TENM2: variants seen among roughly 807,000 people sequenced by gnomAD.
TENM2 encodes the protein teneurin-2.
TENM2 carries 52 observed loss-of-function variants against 245.2 expected under a neutral mutation model. The ratio of observed to expected loss-of-function variants is 0.21; its 90% CI spans 0.17 to 0.27. The LOEUF is 0.27. TENM2 is among the 10% of genes least tolerant of loss of function. The pLI is 1.00. For missense variants in TENM2, 3,046 were observed against 3,666.8 expected (o/e 0.83, Z 4.37); for synonymous variants, 1,363 against 1,438.9 (o/e 0.95, Z 1.19).
intron 2 of TENM2, among the ~76,000 whole-genome samples, chr5:167,792,702 T>TG (rs1224991553): frequency 6.7e-6 from 1 of 149,742 alleles, no homozygotes; most frequent in Non-Finnish European, 1.5e-5. Context: ...TAAATCTGCA[T>TG]GGGGGTCTTA....
chr5:167,856,341 G>A (rs1346253692), intron 2 of TENM2, among the ~76,000 whole-genome samples: 1 of 152,186 alleles, frequency 6.6e-6, no homozygotes, highest in African/African-American at 2.4e-5. Flanking sequence ...GATGAAAGCA[G>A]TTGTAAAAGC....
intron 1 of TENM2, among the ~76,000 whole-genome samples, chr5:167,350,184 C>G (rs537652222): frequency 6.6e-6 from 1 of 152,160 alleles, no homozygotes; most frequent in Admixed American, 6.5e-5. Context: ...CATGTCCTTC[C>G]CTTGGGTCAC....
intron 2 of TENM2, among the ~76,000 whole-genome samples, chr5:167,702,395 C>T (rs1018572593): frequency 3.3e-5 from 5 of 151,890 alleles, no homozygotes; most frequent in African/African-American, 1.2e-4. Context: ...TCTTTATTAG[C>T]TGAATTCATC....
chr5:167,827,675 T>C (rs866921303), intron 2 of TENM2, among the ~76,000 whole-genome samples: 2 of 150,714 alleles, frequency 1.3e-5, no homozygotes, highest in Admixed American at 1.3e-4. Flanking sequence ...TAGAGGTTCT[T>C]TATTTAAAAC....
At chr5:167,988,582 G>A (rs1783421730) in intron 4 of TENM2, among the ~76,000 whole-genome samples, 1 of 152,190 alleles carries the variant, frequency 6.6e-6, no homozygotes, top group Non-Finnish European at 1.5e-5. Flanking sequence ...GGAACAGTAA[G>A]TGCAAAGGCC....
chr5:168,185,728 G>A (rs978540567), intron 13 of TENM2, among the ~76,000 whole-genome samples: 2 of 151,338 alleles, frequency 1.3e-5, no homozygotes, highest in African/African-American at 4.9e-5. Context: ...ATCACTGTTT[G>A]GAAATTAAGT....
At chr5:167,783,311 A>T (rs1452275305) in intron 2 of TENM2, among the ~76,000 whole-genome samples, 2 of 151,264 alleles carry the variant, frequency 1.3e-5, no homozygotes, top group African/African-American at 4.9e-5. Context: ...CATCTGGGAG[A>T]TGGTAAGGGC....
intron 27 of TENM2, among the ~76,000 whole-genome samples, chr5:168,258,207 A>G (rs2152715946): frequency 6.6e-6 from 1 of 152,302 alleles, no homozygotes; most frequent in South Asian, 2.1e-4. Context: ...ATAATAGTAA[A>G]AAAGTGGAAA....
intron 3 of TENM2, among the ~76,000 whole-genome samples, chr5:167,907,543 A>ATATATATATG (rs1243808529): frequency 2.4e-5 from 2 of 82,084 alleles, no homozygotes; most frequent in East Asian, 7.7e-4. Context: ...ATATATATAT[A>ATATATATATG]TATATATATA....
intron 3 of TENM2, among the ~76,000 whole-genome samples, chr5:167,944,052 T>C (rs1779399154): frequency 6.6e-6 from 1 of 152,198 alleles, no homozygotes; most frequent in South Asian, 2.1e-4. Context: ...AGTAATACTT[T>C]CCTGATGATT....
chr5:167,166,448 C>T, the TENM2 span, among the ~76,000 whole-genome samples: 1 of 152,116 alleles, frequency 6.6e-6, no homozygotes, highest in East Asian at 1.9e-4. Context: ...ATGTGGGACT[C>T]TCTGTCCTTT....
the TENM2 span, among the ~76,000 whole-genome samples, chr5:167,172,233 C>T: frequency 5.4e-3 from 828 of 152,212 alleles, 6 homozygotes; most frequent in African/African-American, 0.018. Context: ...GATGCTACAA[C>T]GTGAATATTT....
chr5:167,406,365 T>G (rs538155124), intron 2 of TENM2, among the ~76,000 whole-genome samples: 39 of 152,320 alleles, frequency 2.6e-4, no homozygotes, highest in African/African-American at 9.4e-4. Flanking sequence ...GAATTAAGTA[T>G]TATCAATGGA....
intron 26 of TENM2, among the ~76,000 whole-genome samples, chr5:168,246,004 G>A (rs1027989872): frequency 4.1e-4 from 62 of 151,804 alleles, no homozygotes; most frequent in South Asian, 4.2e-4. Context: ...AGGCCGAGGC[G>A]GGCTGATCAC....
At chr5:167,385,954 T>G (rs2127349494) in intron 2 of TENM2, among the ~76,000 whole-genome samples, 2 of 151,724 alleles carry the variant, frequency 1.3e-5, no homozygotes, top group South Asian at 4.2e-4. Flanking sequence ...TGGTTCCACG[T>G]TTTTGCAATT....
intron 5 of TENM2, among the ~76,000 whole-genome samples, chr5:168,013,837 T>G (rs1408152463): frequency 6.6e-6 from 1 of 152,194 alleles, no homozygotes; most frequent in Non-Finnish European, 1.5e-5. Flanking sequence ...AGCATCGCTG[T>G]GTCAGCTAGT....
intron 1 of TENM2, among the ~76,000 whole-genome samples, chr5:167,322,242 T>G (rs959394641): frequency 2.6e-5 from 4 of 152,154 alleles, no homozygotes; most frequent in Non-Finnish European, 5.9e-5. Context: ...TGTTGTTTTT[T>G]GTTTTTTGTT....
intron 7 of TENM2, among the ~76,000 whole-genome samples, chr5:168,078,057 G>A (rs1051048135): frequency 2.0e-5 from 3 of 152,156 alleles, no homozygotes; most frequent in African/African-American, 7.2e-5. Context: ...GCGTAAAAAT[G>A]TTCCTATTTC....
chr5:167,851,737 C>A (rs1266276105), intron 2 of TENM2, among the ~76,000 whole-genome samples: 1 of 152,172 alleles, frequency 6.6e-6, no homozygotes, highest in Non-Finnish European at 1.5e-5. Flanking sequence ...GAGATTCCCG[C>A]AGCTCTCTTG....
Sources: allele counts gnomAD v4.1 joint callset (sites outside exome capture counted in the v4.1 genomes callset), GRCh38; gene constraint gnomAD v4.1.1; transcripts MANE v1.5; gene names NCBI Gene and HGNC (gene_info 2026-07-23, HGNC 2026-07-21).